MGAT4C: variants seen among roughly 807,000 people sequenced by gnomAD.
The protein encoded by MGAT4C is MGAT4 family member C, also known as alpha-1,3-mannosyl-glycoprotein 4-beta-N-acetylglucosaminyltransferase C.
MGAT4C carries 19 observed loss-of-function variants against 40.1 expected under a neutral mutation model. The observed-to-expected ratio is 0.47, with a 90% CI of 0.33 to 0.70. MGAT4C has a LOEUF of 0.70. MGAT4C is among the 30% of genes least tolerant of loss of function. The probability of loss-of-function intolerance (pLI) is 0.02; values close to 1 mark genes in which losing one functional copy is unlikely to be tolerated. For missense variants in MGAT4C, 491 were observed against 563.2 expected (o/e 0.87, Z 1.30); for synonymous variants, 181 against 187.1 (o/e 0.97, Z 0.27).
chr12:86,792,448 A>G (rs1952040368), intron 1 of MGAT4C, among the ~76,000 whole-genome samples: 1 of 152,180 alleles, frequency 6.6e-6, no homozygotes, highest in Admixed American at 6.5e-5. Flanking sequence ...TTTTATCAGA[A>G]AAGAGAAAAT....
intron 3 of MGAT4C, among the ~76,000 whole-genome samples, chr12:86,357,063 G>T (rs1955331467): frequency 6.6e-6 from 1 of 152,162 alleles, no homozygotes; most frequent in African/African-American, 2.4e-5. Flanking sequence ...TAACTGGGAG[G>T]CACCTCCCAG....
chr12:86,219,593 A>G (rs988139674), intron 1 of MGAT4C, among the ~76,000 whole-genome samples: 3 of 152,206 alleles, frequency 2.0e-5, no homozygotes, highest in South Asian at 2.1e-4. Flanking sequence ...CCTTATTAGT[A>G]TCCCCTTATA....
chr12:86,835,186 A>G (rs1167059674), intron 1 of MGAT4C, among the ~76,000 whole-genome samples: 1 of 151,900 alleles, frequency 6.6e-6, no homozygotes, highest in Non-Finnish European at 1.5e-5. Flanking sequence ...TTTAAACTTA[A>G]TATGAGATGC....
upstream of MGAT4C, among the ~76,000 whole-genome samples, chr12:86,259,212 G>A (rs1952604873): frequency 6.6e-6 from 1 of 151,754 alleles, no homozygotes; most frequent in South Asian, 2.1e-4. Context: ...GTTTCTTTTG[G>A]AAAAGTAGAG....
Position 86,234,247 on chromosome 12 carries a change from G to C in MGAT4C, c.-57+21992C>G, listed in dbSNP as rs867845430. Among the ~76,000 whole-genome samples, 41 of 152,224 alleles carry C rather than the reference G, an allele frequency of 2.7e-4. No homozygotes were observed. In the Middle Eastern group the frequency reaches 0.01, roughly 38 times the overall value. ...TTTAAATTGAATTATTTGAAATAGT[G>C]ATAGAACATTATCTTAGACTAATGT... On this transcript the variant is annotated intron_variant, in intron 1 of 4. Transcript: ENST00000611864.
intron 1 of MGAT4C, among the ~76,000 whole-genome samples, chr12:86,761,722 C>A (rs2136152956): frequency 6.6e-6 from 1 of 152,218 alleles, no homozygotes; most frequent in Admixed American, 6.5e-5. Flanking sequence ...TGGCTTGTGG[C>A]TACTTCCTCC....
intron 3 of MGAT4C, among the ~76,000 whole-genome samples, chr12:86,397,063 G>A (rs750802634): frequency 1.5e-4 from 18 of 119,268 alleles, no homozygotes; most frequent in Non-Finnish European, 2.9e-4. Context: ...CAAAGATGGA[G>A]GCCTGCATTT....
At chr12:86,623,762 A>G (rs1463444911) in intron 2 of MGAT4C, among the ~76,000 whole-genome samples, 1 of 152,220 alleles carries the variant, frequency 6.6e-6, no homozygotes, top group African/African-American at 2.4e-5. Flanking sequence ...CCAGTCTGAG[A>G]ACAATGTATG....
chr12:86,664,210 T>C (rs1271812711), intron 2 of MGAT4C, among the ~76,000 whole-genome samples: 1 of 151,924 alleles, frequency 6.6e-6, no homozygotes, highest in Non-Finnish European at 1.5e-5. Flanking sequence ...ATGTCTTTAT[T>C]TCCCTTTCTC....
chr12:86,685,882 A>G (rs538257773), intron 2 of MGAT4C, among the ~76,000 whole-genome samples: 93 of 135,028 alleles, frequency 6.9e-4, no homozygotes, highest in African/African-American at 2.2e-3. Flanking sequence ...TTTTTTTTGG[A>G]GACAGAGTCT....
intron 1 of MGAT4C, among the ~76,000 whole-genome samples, chr12:86,057,616 G>T (rs546049045): frequency 3.9e-5 from 6 of 152,084 alleles, no homozygotes; most frequent in African/African-American, 1.4e-4. Flanking sequence ...AGCAATATTG[G>T]TCTCTCTCTC....
intron 2 of MGAT4C, among the ~76,000 whole-genome samples, chr12:86,029,735 G>A (rs1890568746): frequency 6.6e-6 from 1 of 151,806 alleles, no homozygotes; most frequent in African/African-American, 2.4e-5. Flanking sequence ...TACCTAATGA[G>A]GAACTTTACA....
At chr12:86,040,039 G>A (rs1205756706) in intron 2 of MGAT4C, among the ~76,000 whole-genome samples, 10 of 152,116 alleles carry the variant, frequency 6.6e-5, no homozygotes, top group African/African-American at 2.4e-4. Context: ...TGTTTGCCTG[G>A]GTACCACCGG....
Position 86,747,155 on chromosome 12 carries a change from C to T in MGAT4C, c.-261-19914G>A, listed in dbSNP as rs375837421. On this transcript the variant is annotated intron_variant, in intron 1 of 7. Transcript: ENST00000548651. ...GCATCCTCCAGTGCTCCTTATCCTG[C>T]AGGATTTCAGTGAGGATTAAATGAG... Among the ~76,000 whole-genome samples, 83 of 151,700 alleles carry T rather than the reference C, an allele frequency of 5.5e-4. 1 individual carries two copies. The South Asian group carries it at 0.016, about 29-fold the overall frequency.
chr12:86,420,992 C>A (rs1055826928), intron 3 of MGAT4C, among the ~76,000 whole-genome samples: 3 of 151,634 alleles, frequency 2.0e-5, no homozygotes, highest in East Asian at 1.9e-4. Flanking sequence ...GCTGCACATC[C>A]TTTCAAATTG....
intron 1 of MGAT4C, among the ~76,000 whole-genome samples, chr12:86,164,438 T>C (rs1885959782): frequency 6.6e-6 from 1 of 152,328 alleles, no homozygotes; most frequent in African/African-American, 2.4e-5. Flanking sequence ...GTCTATGCTG[T>C]GCACTCTGCC....
chr12:86,575,806 T>G (rs545737389), intron 2 of MGAT4C, among the ~76,000 whole-genome samples: 1 of 151,948 alleles, frequency 6.6e-6, no homozygotes, highest in African/African-American at 2.4e-5. Context: ...AGTGATTGTA[T>G]TAATTTACAT....
intron 1 of MGAT4C, among the ~76,000 whole-genome samples, chr12:86,749,238 AT>A (rs1951198367): frequency 6.6e-6 from 1 of 151,726 alleles, no homozygotes; most frequent in South Asian, 2.1e-4. Flanking sequence ...CACTTTAAAT[AT>A]TTTATTCAAT....
chr12:86,816,256 T>C (rs1164118566), intron 1 of MGAT4C, among the ~76,000 whole-genome samples: 3 of 151,854 alleles, frequency 2.0e-5, no homozygotes, highest in Non-Finnish European at 4.4e-5. Flanking sequence ...TATTTTTATG[T>C]TTTTATTTTC....
Sources: allele counts gnomAD v4.1 joint callset (sites outside exome capture counted in the v4.1 genomes callset), GRCh38; gene constraint gnomAD v4.1.1; transcripts MANE v1.5; gene names NCBI Gene and HGNC (gene_info 2026-07-23, HGNC 2026-07-21).